Variants in FGF13 observed in about 807,000 individuals in gnomAD.
FGF13 encodes fibroblast growth factor 13.
A neutral mutation model predicts 19.5 loss-of-function variants in FGF13; 2 were observed. That is an observed-to-expected ratio of 0.10 (90% CI 0.04 to 0.32). The LOEUF (loss-of-function observed/expected upper bound fraction) is 0.32, where lower values mean the gene tolerates loss of function less well. Among genes scored for constraint, FGF13 ranks in the 10% least tolerant of loss-of-function variants. FGF13 has a pLI of 1.00. For synonymous variants in FGF13, 72 were observed against 76.9 expected, an observed-to-expected ratio of 0.94 and a Z score of 0.33; for missense variants, 113 against 192.7, an observed-to-expected ratio of 0.59 and a Z score of 2.45.
intron 1 of FGF13, among the ~76,000 whole-genome samples, chrX:138,882,875 C>T (rs2091434253): frequency 9.0e-6 from 1 of 111,237 alleles, no homozygotes; most frequent in African/African-American, 3.3e-5. Context: ...CCTCTTCATC[C>T]CAGAGGTTTG....
chrX:138,944,704 C>T (rs112290657), intron 1 of FGF13, among the ~76,000 whole-genome samples: 179 of 110,742 alleles, frequency 1.6e-3, no homozygotes, highest in African/African-American at 5.7e-3. Context: ...TCTTGAGCAG[C>T]CAATAGATCA....
At chrX:138,966,326 G>C (rs2091894931) in intron 1 of FGF13, among the ~76,000 whole-genome samples, 1 of 112,277 alleles carries the variant, frequency 8.9e-6, no homozygotes, top group Non-Finnish European at 1.9e-5. Context: ...TGTGAAAGCA[G>C]CCAGGGCAGG....
Position 138,758,411 on chromosome X carries a change from C to G in FGF13, c.218-49483G>C, listed in dbSNP as rs189283807. ...CCAGACACATCCCAGCTAGAGCAAT[C>G]AACAGCCAAGACCTCAGCAACCGGA... On this transcript the variant is annotated intron_variant, in intron 3 of 6. Coordinates refer to the FGF13 transcript ENST00000436198. Among the ~76,000 whole-genome samples the G allele has an allele frequency of 3.0e-3, 339 of 111,867 alleles. 2 individuals are homozygous for G. Among genetic ancestry groups the G allele is most frequent in the Non-Finnish European group, 4.6e-3 (243 of 53,125 alleles).
At chrX:138,729,686 TAAAAC>T (rs1318111707) in intron 1 of FGF13, among the ~76,000 whole-genome samples, 1 of 107,361 alleles carries the variant, frequency 9.3e-6, no homozygotes, top group African/African-American at 3.6e-5. Flanking sequence ...ATAAGCCTAA[TAAAAC>T]AAACAAACAA....
rs137907925 is a variant in FGF13 at position 139,091,820 on chromosome X, C to T, written c.-113+111596G>A. 5.0e-3 allele frequency among the ~76,000 whole-genome samples: 548 copies of T among 110,578 alleles called. 5 individuals are homozygous for T. Among genetic ancestry groups the T allele is most frequent in the African/African-American group, 0.018 (538 of 30,380 alleles). ...TCTAGTTCTGCTGGAAATGAGCGCACATGAAGGAGAACAGAGGGGCATAGG... is the reference window on the plus strand; with the variant it reads ...TCTAGTTCTGCTGGAAATGAGCGCATATGAAGGAGAACAGAGGGGCATAGG... On this transcript the variant is annotated intron_variant, in intron 1 of 2. Coordinates refer to the FGF13 transcript ENST00000421460.
intron 1 of FGF13, among the ~76,000 whole-genome samples, chrX:139,076,169 G>A (rs910256476): frequency 4.5e-5 from 5 of 111,191 alleles, no homozygotes; most frequent in Non-Finnish European, 9.4e-5. Flanking sequence ...CACATTTAAA[G>A]TTCCCCATTA....
chrX:139,104,953 CTAATT>C (rs2083548321), intron 1 of FGF13, among the ~76,000 whole-genome samples: 2 of 111,339 alleles, frequency 1.8e-5, no homozygotes, highest in Non-Finnish European at 3.8e-5. Flanking sequence ...CTGTCAACCC[CTAATT>C]TAAGTTATAT....
chrX:138,638,053 T>A (rs2089203739), intron 3 of FGF13, among the ~76,000 whole-genome samples: 1 of 110,849 alleles, frequency 9.0e-6, no homozygotes, highest in African/African-American at 3.3e-5. Flanking sequence ...CACCTTCCAT[T>A]CCCAATGCCA....
intron 1 of FGF13, among the ~76,000 whole-genome samples, chrX:138,933,364 C>T (rs185978769): frequency 1.6e-4 from 18 of 111,812 alleles, no homozygotes; most frequent in African/African-American, 5.8e-4. Flanking sequence ...ACATGGACAC[C>T]CAGTGGCATG....
At chrX:139,037,574 T>C (rs1218342653) in intron 1 of FGF13, among the ~76,000 whole-genome samples, 2 of 111,632 alleles carry the variant, frequency 1.8e-5, no homozygotes, top group Non-Finnish European at 1.9e-5. Flanking sequence ...GGGGAGAATC[T>C]ATTTTCTCAC....
At chrX:139,083,817 G>A (rs2083386213) in intron 1 of FGF13, among the ~76,000 whole-genome samples, 1 of 111,186 alleles carries the variant, frequency 9.0e-6, no homozygotes, top group African/African-American at 3.3e-5. Context: ...GTTGCAGTAA[G>A]CCGAGATCCC....
At chrX:139,078,852 G>T (rs2083350368) in intron 1 of FGF13, among the ~76,000 whole-genome samples, 2 of 112,842 alleles carry the variant, frequency 1.8e-5, no homozygotes, top group African/African-American at 6.4e-5. Flanking sequence ...AACAAAATTG[G>T]TGAAAGAATC....
At chrX:138,883,180 C>T (rs1281794199) in intron 1 of FGF13, among the ~76,000 whole-genome samples, 3 of 112,075 alleles carry the variant, frequency 2.7e-5, no homozygotes, top group African/African-American at 9.7e-5. Context: ...TTCCATGCAC[C>T]AAACAAATAA....
intron 1 of FGF13, among the ~76,000 whole-genome samples, chrX:138,709,679 C>G (rs2090024119): frequency 8.9e-6 from 1 of 111,798 alleles, no homozygotes; most frequent in Non-Finnish European, 1.9e-5. Context: ...TTATGAATAA[C>G]CATAGATCAA....
At chrX:138,713,073 G>C (rs886350722), upstream of FGF13, among the ~76,000 whole-genome samples, 1 of 112,474 alleles carries the variant, frequency 8.9e-6, no homozygotes, top group Non-Finnish European at 1.9e-5. Context: ...AAGGCAGACT[G>C]GGGTAAAGGT....
chrX:138,884,693 G>A (rs753791152), intron 1 of FGF13, among the ~76,000 whole-genome samples: 11 of 111,851 alleles, frequency 9.8e-5, no homozygotes, highest in African/African-American at 3.6e-4. Flanking sequence ...TAAAGCACTA[G>A]GGTATCTCAG....
At chrX:139,046,443 G>A (rs1284449143) in intron 1 of FGF13, among the ~76,000 whole-genome samples, 1 of 111,260 alleles carries the variant, frequency 9.0e-6, no homozygotes, top group Non-Finnish European at 1.9e-5. Context: ...AAGGTCAAAG[G>A]CACTGAGGAT....
chrX:139,106,217 G>A (rs1448532512), intron 1 of FGF13, among the ~76,000 whole-genome samples: 4 of 111,931 alleles, frequency 3.6e-5, no homozygotes, highest in East Asian at 5.6e-4. Flanking sequence ...ACACAGAGGC[G>A]CCCTTAAGCC....
intron 1 of FGF13, among the ~76,000 whole-genome samples, chrX:138,986,823 C>G (rs141406090): frequency 1.4e-3 from 156 of 111,857 alleles, no homozygotes; most frequent in Middle Eastern, 4.7e-3. Flanking sequence ...ATTATCTTGT[C>G]ACATGATATT....
Sources: allele counts gnomAD v4.1 joint callset (sites outside exome capture counted in the v4.1 genomes callset), GRCh38; gene constraint gnomAD v4.1.1; transcripts MANE v1.5; gene names NCBI Gene and HGNC (gene_info 2026-07-23, HGNC 2026-07-21).